DMD: variants seen among roughly 807,000 people sequenced by gnomAD.
The protein encoded by DMD is mutant dystrophin.
A neutral mutation model predicts 330.1 loss-of-function variants in DMD; 63 were observed. That is an observed-to-expected ratio of 0.19 (90% CI 0.16 to 0.24). The LOEUF is 0.24. Ranked by LOEUF, DMD falls within the 10% of genes least tolerant of loss-of-function variation. The probability of loss-of-function intolerance (pLI) is 1.00; values close to 1 mark genes in which losing one functional copy is unlikely to be tolerated. For synonymous variants in DMD, 1,223 were observed against 959.8 expected (o/e 1.27, Z -5.07); for missense variants, 3,344 against 2,684.1 (o/e 1.25, Z -5.43).
At position 32,451,644 on chromosome X, in the gene DMD, G is replaced by T. The variant is rs990080317; in HGVS notation, c.3604-3006C>A. 9.1e-4 allele frequency among the ~76,000 whole-genome samples: 97 copies of T among 106,370 alleles called. 4 individuals carry two copies. Among genetic ancestry groups the T allele is most frequent in the Admixed American group, 6.0e-4 (6 of 9,932 alleles). The allele number at this position is 106,370 out of a possible 115,157, so 92.4% of individuals were successfully genotyped here. A position where few individuals can be genotyped will look rare whatever the true frequency, so the allele number is the denominator to read the frequency against. On this transcript the variant is annotated intron_variant, in intron 26 of 78. Transcript: ENST00000357033. Reference sequence around the variant, plus strand: ...GGAAAGAACATAAACAGAAGGGGGGGTCTCTATTTCTTCTTTGAGTATCAG... The same window carrying T: ...GGAAAGAACATAAACAGAAGGGGGGTTCTCTATTTCTTCTTTGAGTATCAG...
chrX:31,709,759 T>C (rs2084492065), intron 52 of DMD, among the ~76,000 whole-genome samples: 2 of 111,405 alleles, frequency 1.8e-5, no homozygotes, highest in Non-Finnish European at 3.8e-5. Context: ...AAATGGCATA[T>C]TTCTATTTCT....
intron 1 of DMD, among the ~76,000 whole-genome samples, chrX:33,066,877 CA>C: frequency 8.9e-6 from 1 of 111,792 alleles, no homozygotes. Context: ...AAATGTAAAA[CA>C]ATGACTCCTG....
chrX:33,101,267 A>C lies in DMD; in HGVS notation c.32-81067T>G, dbSNP rs147994930. 8.1e-3 allele frequency among the ~76,000 whole-genome samples: 905 copies of C among 112,012 alleles called. 5 individuals are homozygous for C. The highest frequency in any genetic ancestry group is 0.013 in the Non-Finnish European group (715 of 53,214). On this transcript the variant is annotated intron_variant, in intron 1 of 78. Transcript: ENST00000357033. The stretch of plus-strand genomic sequence containing the variant: ...AGATTCTGCCACCTAGGAGCTGTAA[A>C]ATCTTGTGTAAATTACTGAAAAATC...
intron 34 of DMD, among the ~76,000 whole-genome samples, chrX:32,366,814 T>A (rs1476045500): frequency 2.7e-5 from 3 of 112,132 alleles, no homozygotes; most frequent in African/African-American, 9.7e-5. Flanking sequence ...TATAAAAATT[T>A]TTATGCAAGA....
chrX:32,950,768 C>T (rs1240028548), intron 2 of DMD, among the ~76,000 whole-genome samples: 1 of 111,408 alleles, frequency 9.0e-6, no homozygotes, highest in Non-Finnish European at 1.9e-5. Flanking sequence ...GTAGGCAAGA[C>T]GCATGAACAC....
intron 2 of DMD, among the ~76,000 whole-genome samples, chrX:32,892,496 C>T (rs756742932): frequency 1.2e-3 from 129 of 111,862 alleles, no homozygotes; most frequent in African/African-American, 3.9e-3. Context: ...TGGGTTCAAG[C>T]GATTGTCATG....
rs751806622 is a variant in DMD at position 31,206,657 on chromosome X, C to G, written c.9574G>C (p.Gly3192Arg). 8.3e-7 allele frequency: 1 copy of G among 1,207,790 alleles called. No homozygotes were observed. Among genetic ancestry groups the G allele is most frequent in the East Asian group, 3.0e-5 (1 of 33,794 alleles). Reference protein sequence around the residue: ...LLNVYDTGRTGRIRVLSFKTG... With the variant: ...LLNVYDTGRTRRIRVLSFKTG... Reference sequence around the variant, plus strand: ...TTAAAAGACAGGACACGGATCCTCCCTGTTCGTCCCCTATTATGAAGAATC... The same window carrying G: ...TTAAAAGACAGGACACGGATCCTCCGTGTTCGTCCCCTATTATGAAGAATC... The change falls in exon 66 of 79, where the codon GGG (glycine) becomes CGG (arginine). Residue 3192 changes from glycine (G) to arginine (R), a missense_variant. Gly to Arg is a moderately radical substitution (Grantham distance 125, BLOSUM62 -2). Coordinates refer to ENST00000357033, the MANE Select transcript of DMD (RefSeq NM_004006.3).
chrX:31,255,861 C>T (rs560886897), intron 63 of DMD, among the ~76,000 whole-genome samples: 4 of 104,398 alleles, frequency 3.8e-5, no homozygotes, highest in East Asian at 3.0e-4. Flanking sequence ...TTGCAACCTC[C>T]GACTCCTGGG....
chrX:31,583,212 G>A (rs1388867844), intron 55 of DMD, among the ~76,000 whole-genome samples: 1 of 111,980 alleles, frequency 8.9e-6, no homozygotes, highest in African/African-American at 3.3e-5. Flanking sequence ...GGGGTACATA[G>A]GCAGCATATG....
chrX:32,851,690 C>A (rs757675566), intron 2 of DMD, among the ~76,000 whole-genome samples: 3 of 112,301 alleles, frequency 2.7e-5, no homozygotes, highest in Non-Finnish European at 5.6e-5. Context: ...CAACACCACC[C>A]CTCCCCCATC....
At chrX:32,735,975 A>G (rs1352544213) in intron 7 of DMD, among the ~76,000 whole-genome samples, 1 of 111,812 alleles carries the variant, frequency 8.9e-6, no homozygotes, top group African/African-American at 3.3e-5. Context: ...CAGAGTGAAC[A>G]GGCAACCTAC....
At chrX:32,853,408 TAGAC>T (rs1322327339) in intron 2 of DMD, among the ~76,000 whole-genome samples, 2 of 111,761 alleles carry the variant, frequency 1.8e-5, no homozygotes, top group African/African-American at 6.5e-5. Flanking sequence ...CTTTAAGACA[TAGAC>T]AGTATAATGA....
intron 51 of DMD, among the ~76,000 whole-genome samples, chrX:31,750,637 T>G (rs972927960): frequency 1.8e-5 from 2 of 110,552 alleles, no homozygotes; most frequent in Admixed American, 9.7e-5. Context: ...TGTTGGAAGT[T>G]CTGGCCAGGG....
intron 1 of DMD, among the ~76,000 whole-genome samples, chrX:33,024,847 T>C (rs1405984238): frequency 8.9e-6 from 1 of 111,854 alleles, no homozygotes; most frequent in Non-Finnish European, 1.9e-5. Flanking sequence ...AGCCTTAGCG[T>C]CTTTAACTGT....
chrX:32,746,172 A>C (rs999056162), intron 7 of DMD, among the ~76,000 whole-genome samples: 7 of 111,845 alleles, frequency 6.3e-5, no homozygotes, highest in Non-Finnish European at 1.3e-4. Context: ...GCATATTCCC[A>C]TGTTTAGACA....
chrX:32,467,319 A>G (rs1159431096), intron 23 of DMD, among the ~76,000 whole-genome samples: 1 of 111,080 alleles, frequency 9.0e-6, no homozygotes, highest in Non-Finnish European at 1.9e-5. Flanking sequence ...CAAGGGACAC[A>G]TTACTTACCT....
At chrX:31,604,998 T>A (rs1268700409) in intron 55 of DMD, among the ~76,000 whole-genome samples, 2 of 112,110 alleles carry the variant, frequency 1.8e-5, no homozygotes, top group Non-Finnish European at 3.8e-5. Context: ...ATGAATACAT[T>A]GCTTATTACA....
At chrX:32,988,386 T>G (rs149939126) in intron 2 of DMD, among the ~76,000 whole-genome samples, 3,009 of 111,544 alleles carry the variant, frequency 0.027, 98 homozygotes, top group African/African-American at 0.091. Context: ...ATCCTTTCCA[T>G]AGACTCTGAG....
At chrX:32,780,164 ACAGTCAATTTTTAC>A (rs1482748256) in intron 7 of DMD, among the ~76,000 whole-genome samples, 3 of 111,976 alleles carry the variant, frequency 2.7e-5, no homozygotes, top group Non-Finnish European at 5.6e-5. Flanking sequence ...TCTAATTGTA[ACAGTCAATTTTTAC>A]CATATAAATT....
Sources: gnomAD v4.1 joint callset for allele counts (sites outside exome capture counted in the v4.1 genomes callset) on GRCh38, gnomAD v4.1.1 for gene constraint, MANE v1.5 for transcripts, NCBI Gene and HGNC (gene_info 2026-07-23, HGNC 2026-07-21) for gene names.